Variants in CCDC171 observed in about 807,000 individuals in gnomAD.
The protein encoded by CCDC171 is coiled-coil domain-containing protein 171.
In CCDC171, 177 loss-of-function variants were observed where a neutral mutation model predicts 168.2. That is an observed-to-expected ratio of 1.05 (90% CI 0.93 to 1.19). The LOEUF is 1.19. CCDC171 is among the 50% of genes most tolerant of loss of function. The pLI, the probability that CCDC171 is intolerant of heterozygous loss-of-function variation, is 0.00. For missense variants in CCDC171, 1,991 were observed against 1,539.0 expected (o/e 1.29, Z -4.91); for synonymous variants, 687 against 540.8 (o/e 1.27, Z -3.75).
chr9:15,561,149 G>A (rs2039271408), intron 1 of CCDC171, among the ~76,000 whole-genome samples: 1 of 152,222 alleles, frequency 6.6e-6, no homozygotes, highest in South Asian at 2.1e-4. Flanking sequence ...TTTAAGCCCT[G>A]GTTTCCTCAT....
intron 3 of CCDC171, among the ~76,000 whole-genome samples, chr9:15,981,589 A>C (rs1831797852): frequency 1.3e-5 from 2 of 152,158 alleles, no homozygotes; most frequent in African/African-American, 4.8e-5. Context: ...TGGAGTAGAC[A>C]TGTAGAAGCT....
intron 10 of CCDC171, among the ~76,000 whole-genome samples, chr9:15,692,898 A>T (rs1032882881): frequency 6.7e-6 from 1 of 148,264 alleles, no homozygotes; most frequent in South Asian, 2.3e-4. Flanking sequence ...GCACTTTGGG[A>T]GGCCGAGACG....
At chr9:15,686,234 G>A (rs1160900674) in intron 10 of CCDC171, among the ~76,000 whole-genome samples, 4 of 152,046 alleles carry the variant, frequency 2.6e-5, no homozygotes, top group African/African-American at 9.7e-5. Flanking sequence ...CAGTCAGCTG[G>A]CATAATAGAA....
chr9:15,851,519 A>G (rs529176162), intron 23 of CCDC171, among the ~76,000 whole-genome samples: 6 of 152,006 alleles, frequency 3.9e-5, no homozygotes, highest in African/African-American at 1.4e-4. Flanking sequence ...TACATTTTTT[A>G]AAACACACCC....
At chr9:15,644,434 C>T (rs1220045599) in intron 7 of CCDC171, among the ~76,000 whole-genome samples, 1 of 152,102 alleles carries the variant, frequency 6.6e-6, no homozygotes, top group African/African-American at 2.4e-5. Context: ...TGAGCCTAAG[C>T]AGGGTGAGGC....
chr9:15,870,297 G>A lies in CCDC171; in HGVS notation c.3469-4235G>A, dbSNP rs10810458. On this transcript the variant is annotated intron_variant, in intron 23 of 25. Transcript: ENST00000380701. ...GGGAATGGAAGGAAGTACAAGGGAG[G>A]GAGTAGGACAAAGGAGGGCAAGAAA... 4.1e-3 allele frequency among the ~76,000 whole-genome samples: 622 copies of A among 151,720 alleles called. 4 individuals carry two copies. The highest frequency in any genetic ancestry group is 6.7e-3 in the Non-Finnish European group (454 of 67,778).
chr9:15,627,617 G>T (rs564133449), intron 7 of CCDC171, among the ~76,000 whole-genome samples: 1 of 152,198 alleles, frequency 6.6e-6, no homozygotes, highest in Non-Finnish European at 1.5e-5. Context: ...TTTCCACGTA[G>T]TTGAGTGGTT....
chr9:15,757,022 T>C (rs1021686168), intron 18 of CCDC171, among the ~76,000 whole-genome samples: 3 of 152,130 alleles, frequency 2.0e-5, no homozygotes, highest in Non-Finnish European at 4.4e-5. Flanking sequence ...TTATCAGCAG[T>C]GTGAAAATGG....
At chr9:15,638,385 C>G (rs530306149) in intron 7 of CCDC171, among the ~76,000 whole-genome samples, 5 of 151,982 alleles carry the variant, frequency 3.3e-5, no homozygotes, top group African/African-American at 1.2e-4. Flanking sequence ...TAGTTTTACA[C>G]TCAATTGCGG....
chr9:16,057,151 C>G (rs951764397), intron 1 of CCDC171, among the ~76,000 whole-genome samples: 1 of 152,172 alleles, frequency 6.6e-6, no homozygotes, highest in Non-Finnish European at 1.5e-5. Flanking sequence ...TTGATCTTTA[C>G]ACAAGGAGTT....
chr9:15,618,754 G>T (rs2044280983), intron 6 of CCDC171, among the ~76,000 whole-genome samples: 1 of 152,072 alleles, frequency 6.6e-6, no homozygotes, highest in Non-Finnish European at 1.5e-5. Context: ...GGCTGGCTGG[G>T]GGAGGGAGTT....
At chr9:16,039,603 C>T (rs566795068), upstream of CCDC171, among the ~76,000 whole-genome samples, 1 of 152,328 alleles carries the variant, frequency 6.6e-6, no homozygotes, top group African/African-American at 2.4e-5. Context: ...ACTCGTCTAG[C>T]CTCCTTCTGC....
At position 15,623,265 on chromosome 9, in the gene CCDC171, A is replaced by G. The variant is rs1258961162; in HGVS notation, c.676-2A>G. ...TTGATGCAAAAATGAATTATTTTCC[A>G]GGAGCAAGATACTGCTGTGCAAAAT... On this transcript the variant is annotated splice_acceptor_variant, in intron 6 of 25. Coordinates refer to ENST00000380701, the MANE Select transcript of CCDC171 (RefSeq NM_173550.4). LOFTEE classifies it high-confidence loss of function. The G allele has an allele frequency of 6.5e-7, 1 of 1,545,802 alleles. No individual in the cohort carries two copies. The highest frequency in any genetic ancestry group is 8.8e-7 in the Non-Finnish European group (1 of 1,142,344).
chr9:16,005,805 C>G (rs1832677655), intron 3 of CCDC171, among the ~76,000 whole-genome samples: 1 of 152,092 alleles, frequency 6.6e-6, no homozygotes, highest in Non-Finnish European at 1.5e-5. Flanking sequence ...TGAGGGTGGC[C>G]TGGAACTAAT....
chr9:15,961,715 T>A (rs940461867), intron 25 of CCDC171, among the ~76,000 whole-genome samples: 2 of 152,228 alleles, frequency 1.3e-5, no homozygotes, highest in South Asian at 4.1e-4. Context: ...CTAAAATATA[T>A]AGATGTATTT....
intron 6 of CCDC171, among the ~76,000 whole-genome samples, chr9:15,602,632 C>CTTTTTT (rs1050799184): frequency 4.2e-3 from 131 of 30,936 alleles, no homozygotes; most frequent in Non-Finnish European, 5.8e-3. Flanking sequence ...TTTCTCATTT[C>CTTTTTT]TTTTTTTTTT....
At chr9:15,623,471 G>GCACACA (rs1424407806) in intron 7 of CCDC171, 58 bp downstream of exon 7, 296 of 505,130 alleles carry the variant, frequency 5.9e-4, no homozygotes, top group Admixed American at 4.4e-3. Context: ...ATATGCGCGC[G>GCACACA]CGCGCACACA....
intron 4 of CCDC171, among the ~76,000 whole-genome samples, chr9:15,585,040 TA>T (rs1207793805): frequency 6.6e-6 from 1 of 152,208 alleles, no homozygotes; most frequent in African/African-American, 2.4e-5. Flanking sequence ...AAAACCATAG[TA>T]GATGTTACTA....
chr9:16,069,776 C>G, the CCDC171 span, among the ~76,000 whole-genome samples: 33 of 152,284 alleles, frequency 2.2e-4, no homozygotes, highest in Non-Finnish European at 3.8e-4. Flanking sequence ...TTCACACCCC[C>G]ACTCGGGTCA....
Sources: allele counts gnomAD v4.1 joint callset (sites outside exome capture counted in the v4.1 genomes callset), GRCh38; gene constraint gnomAD v4.1.1; transcripts MANE v1.5; gene names NCBI Gene and HGNC (gene_info 2026-07-23, HGNC 2026-07-21).